NDUFAF6: variants seen among roughly 807,000 people sequenced by gnomAD.
NDUFAF6 encodes the protein NADH:ubiquinone oxidoreductase complex assembly factor 6.
Under a neutral mutation model 40.8 loss-of-function variants are expected in NDUFAF6, and 45 were observed. The observed-to-expected ratio is 1.10, with a 90% CI of 0.87 to 1.42. The LOEUF (loss-of-function observed/expected upper bound fraction) is 1.42, where lower values mean the gene tolerates loss of function less well. NDUFAF6 is among the 40% of genes most tolerant of loss of function. The pLI is 0.00. For missense variants in NDUFAF6, 435 were observed against 418.5 expected, an observed-to-expected ratio of 1.04 and a Z score of -0.34; for synonymous variants, 185 against 155.9, an observed-to-expected ratio of 1.19 and a Z score of -1.39.
downstream of NDUFAF6, chr8:95,078,662 A>ATATATATATATATATATAT (rs1554689343): frequency 2.7e-4 from 33 of 121,034 alleles, no homozygotes; most frequent in African/African-American, 1.0e-3. Flanking sequence ...AAAAAAAAAA[A>ATATATATATATATATATAT]ATATATATAT....
intron 4 of NDUFAF6, among the ~76,000 whole-genome samples, chr8:95,044,028 C>A (rs535365081): frequency 6.6e-6 from 1 of 152,106 alleles, no homozygotes; most frequent in Admixed American, 6.5e-5. Flanking sequence ...TGTTGTATAT[C>A]CATACAATGG....
chr8:94,973,052 G>A (rs1357122850), intron 1 of NDUFAF6, among the ~76,000 whole-genome samples: 1 of 152,152 alleles, frequency 6.6e-6, no homozygotes, highest in Non-Finnish European at 1.5e-5. Context: ...ACTACAGCCT[G>A]GGTGACAGAA....
At chr8:94,909,022 G>T (rs1420319646) in intron 1 of NDUFAF6, among the ~76,000 whole-genome samples, 1 of 152,138 alleles carries the variant, frequency 6.6e-6, no homozygotes, top group Non-Finnish European at 1.5e-5. Context: ...GTTTATATAT[G>T]TATCCAAAGG....
chr8:94,904,871 T>TA lies in NDUFAF6; in HGVS notation c.-936+8954dup, dbSNP rs571626203. On this transcript the variant is annotated intron_variant, in intron 1 of 14. Coordinates refer to the NDUFAF6 transcript ENST00000396113. The stretch of plus-strand genomic sequence containing the variant: ...ATAACTGTCATTGCCTTATTACATT[T>TA]AAAAAAAAAATCATAATAGAATATT... Among the ~76,000 whole-genome samples the TA allele has an allele frequency of 4.6e-5, 7 of 151,014 alleles. No homozygotes were observed. The South Asian group carries it at 6.3e-4, about 14-fold the overall frequency.
At chr8:94,980,068 G>C (rs894240767) in intron 1 of NDUFAF6, among the ~76,000 whole-genome samples, 3 of 151,348 alleles carry the variant, frequency 2.0e-5, no homozygotes, top group Non-Finnish European at 4.4e-5. Flanking sequence ...CTGCACTGCA[G>C]CCTGGTTTAC....
At chr8:94,977,607 TC>T (rs1825078000) in intron 1 of NDUFAF6, among the ~76,000 whole-genome samples, 2 of 151,608 alleles carry the variant, frequency 1.3e-5, no homozygotes, top group Admixed American at 1.3e-4. Context: ...GTTCTCTCTC[TC>T]TCTCTCTCTC....
chr8:94,978,609 G>A (rs1198681038), intron 1 of NDUFAF6, among the ~76,000 whole-genome samples: 12 of 152,040 alleles, frequency 7.9e-5, no homozygotes, highest in Non-Finnish European at 5.9e-5. Flanking sequence ...AGGTACTTGG[G>A]AGGCTGAGGT....
At chr8:94,911,144 G>A (rs1375534886) in intron 1 of NDUFAF6, among the ~76,000 whole-genome samples, 2 of 152,196 alleles carry the variant, frequency 1.3e-5, no homozygotes, top group Non-Finnish European at 2.9e-5. Flanking sequence ...GGCTGGGGGA[G>A]GAGATATTAA....
intron 4 of NDUFAF6, among the ~76,000 whole-genome samples, chr8:95,113,411 G>C (rs1296467550): frequency 6.6e-6 from 1 of 152,202 alleles, no homozygotes; most frequent in Non-Finnish European, 1.5e-5. Context: ...GATCAACTCT[G>C]CGCCATCCCC....
At chr8:94,984,845 G>A (rs545457974) in intron 2 of NDUFAF6, among the ~76,000 whole-genome samples, 1 of 152,308 alleles carries the variant, frequency 6.6e-6, no homozygotes, top group East Asian at 1.9e-4. Context: ...GGTAATTTAA[G>A]AGCTGGATGA....
chr8:94,949,305 C>A (rs952628447), intron 2 of NDUFAF6: 1 of 150,966 alleles, frequency 6.6e-6, no homozygotes, highest in African/African-American at 2.4e-5. Context: ...GGCGCGGGGC[C>A]GGCTCCAGCC....
At chr8:94,950,606 A>G (rs1406416201) in intron 2 of NDUFAF6, among the ~76,000 whole-genome samples, 4 of 152,204 alleles carry the variant, frequency 2.6e-5, no homozygotes, top group Non-Finnish European at 5.9e-5. Flanking sequence ...TCAAAATATG[A>G]TGGTCATTGG....
At chr8:95,053,538 C>CTTGG in intron 8 of NDUFAF6, among the ~76,000 whole-genome samples, 1 of 152,206 alleles carries the variant, frequency 6.6e-6, no homozygotes, top group East Asian at 1.9e-4. Context: ...CTAAACAATG[C>CTTGG]TTGGCCTCCC....
downstream of NDUFAF6, among the ~76,000 whole-genome samples, chr8:95,079,502 C>T (rs887470839): frequency 6.6e-6 from 1 of 152,000 alleles, no homozygotes; most frequent in African/African-American, 2.4e-5. Context: ...AGTTTCAGTA[C>T]CCATGACATT....
intron 2 of NDUFAF6, among the ~76,000 whole-genome samples, chr8:94,947,209 C>T (rs1392768666): frequency 3.3e-5 from 5 of 151,234 alleles, no homozygotes; most frequent in African/African-American, 4.9e-5. Flanking sequence ...CCAGTCTCAA[C>T]TATGGGTCTA....
chr8:95,023,953 A>T (rs1378767999), upstream of NDUFAF6, among the ~76,000 whole-genome samples: 1 of 151,816 alleles, frequency 6.6e-6, no homozygotes, highest in Non-Finnish European at 1.5e-5. Context: ...ATCAAGCCAC[A>T]GCACTCCAGC....
intron 2 of NDUFAF6, among the ~76,000 whole-genome samples, chr8:95,094,765 T>A (rs1299574405): frequency 6.7e-6 from 1 of 150,072 alleles, no homozygotes. Flanking sequence ...TTTTTTTTTT[T>A]TTTAAGAAAT....
chr8:95,100,966 A>G (rs1225553894), intron 1 of NDUFAF6, among the ~76,000 whole-genome samples: 1 of 152,146 alleles, frequency 6.6e-6, no homozygotes, highest in Non-Finnish European at 1.5e-5. Flanking sequence ...TTAATGTTCC[A>G]TTTCTTGGGT....
chr8:95,080,370 T>G (rs1356619755), downstream of NDUFAF6, among the ~76,000 whole-genome samples: 2 of 151,594 alleles, frequency 1.3e-5, no homozygotes, highest in Non-Finnish European at 2.9e-5. Flanking sequence ...ATTTTTGTAG[T>G]GTATTTTTTG....
Sources: gnomAD v4.1 joint callset for allele counts (sites outside exome capture counted in the v4.1 genomes callset) on GRCh38, gnomAD v4.1.1 for gene constraint, MANE v1.5 for transcripts, NCBI Gene and HGNC (gene_info 2026-07-23, HGNC 2026-07-21) for gene names.